The following KIAA1217 variants were observed in gnomAD, a reference collection of about 807,000 sequenced individuals.
The protein encoded by KIAA1217 is sickle tail protein homolog.
Under a neutral mutation model 163.9 loss-of-function variants are expected in KIAA1217, and 88 were observed. That is an observed-to-expected ratio of 0.54 (90% CI 0.45 to 0.64). KIAA1217 has a LOEUF of 0.64. KIAA1217 is among the 30% of genes least tolerant of loss of function. The probability of loss-of-function intolerance (pLI) is 0.00; values close to 1 mark genes in which losing one functional copy is unlikely to be tolerated. For missense variants in KIAA1217, 2,372 were observed against 2,475.0 expected, an observed-to-expected ratio of 0.96 and a Z score of 0.88; for synonymous variants, 903 against 923.1, an observed-to-expected ratio of 0.98 and a Z score of 0.39.
At chr10:23,903,770 T>G (rs1297097800) in intron 1 of KIAA1217, among the ~76,000 whole-genome samples, 1 of 152,084 alleles carries the variant, frequency 6.6e-6, no homozygotes, top group Non-Finnish European at 1.5e-5. Context: ...GCTTCCTCAG[T>G]TTCCATGACA....
In KIAA1217 at chr10:23,827,751, G is replaced by A. The variant is rs976999500; in HGVS notation, c.-321+132517G>A. On this transcript the variant is annotated intron_variant, in intron 1 of 18. Coordinates refer to the KIAA1217 transcript ENST00000376462. Reference sequence around the variant, plus strand: ...CTTCAGTAATCTCTGCTCACAAGCCGCCGGTATGATTCCTGTGTGCACGAC... The same window carrying A: ...CTTCAGTAATCTCTGCTCACAAGCCACCGGTATGATTCCTGTGTGCACGAC... Among the ~76,000 whole-genome samples the A allele has an allele frequency of 4.6e-5, 7 of 152,306 alleles. No homozygotes were observed. The East Asian group carries it at 5.8e-4, about 13-fold the overall frequency.
intron 1 of KIAA1217, among the ~76,000 whole-genome samples, chr10:23,707,302 A>T (rs1166650674): frequency 1.3e-5 from 2 of 152,206 alleles, no homozygotes; most frequent in Non-Finnish European, 2.9e-5. Flanking sequence ...AAGGAAGGCC[A>T]GTGCTGGGGG....
chr10:23,852,955 G>A (rs1588950938), intron 1 of KIAA1217, among the ~76,000 whole-genome samples: 3 of 152,210 alleles, frequency 2.0e-5, no homozygotes, highest in African/African-American at 7.2e-5. Context: ...CATGTCACCT[G>A]CAAACAGGGT....
At chr10:23,775,398 T>C (rs1358091858) in intron 1 of KIAA1217, among the ~76,000 whole-genome samples, 1 of 152,106 alleles carries the variant, frequency 6.6e-6, no homozygotes, top group Admixed American at 6.5e-5. Flanking sequence ...ATACTATTGA[T>C]TGACATTAGA....
At chr10:23,916,603 G>C (rs1242280090) in intron 1 of KIAA1217, among the ~76,000 whole-genome samples, 1 of 152,112 alleles carries the variant, frequency 6.6e-6, no homozygotes, top group Non-Finnish European at 1.5e-5. Context: ...TCCTTGTAAA[G>C]GTCACTGTAA....
intron 1 of KIAA1217, among the ~76,000 whole-genome samples, chr10:23,858,475 A>T (rs992637628): frequency 1.3e-5 from 2 of 152,098 alleles, no homozygotes; most frequent in African/African-American, 4.8e-5. Flanking sequence ...GTGTGTGTAT[A>T]TACATACATA....
chr10:24,024,328 T>G (rs1676790338), intron 2 of KIAA1217, among the ~76,000 whole-genome samples: 1 of 151,676 alleles, frequency 6.6e-6, no homozygotes, highest in Non-Finnish European at 1.5e-5. Flanking sequence ...CCTAAATAAA[T>G]GGAATCATAA....
chr10:23,836,242 T>G (rs1838442427), intron 1 of KIAA1217, among the ~76,000 whole-genome samples: 1 of 152,200 alleles, frequency 6.6e-6, no homozygotes, highest in African/African-American at 2.4e-5. Flanking sequence ...CTACTTTTCT[T>G]GTTTTATTGC....
rs571264535 is a variant in KIAA1217 at position 23,776,979 on chromosome 10, C to T, written c.-321+81745C>T. ...GATTACAGGCATGAGCCACAGGGCC[C>T]GGCTGACTGTGGGTACTTTTTCTTT... On this transcript the variant is annotated intron_variant, in intron 1 of 18. Transcript: ENST00000376462. Among the ~76,000 whole-genome samples the T allele has an allele frequency of 8.0e-5, 12 of 150,560 alleles. No individual in the cohort carries two copies. In the East Asian group the frequency reaches 8.0e-4, roughly 10 times the overall value.
At chr10:24,229,954 C>T (rs1035897216) in intron 2 of KIAA1217, among the ~76,000 whole-genome samples, 2 of 152,008 alleles carry the variant, frequency 1.3e-5, no homozygotes, top group South Asian at 4.2e-4. Flanking sequence ...CTCATTTAAC[C>T]AAATACTACC....
chr10:24,273,280 G>A (rs2076942723), intron 2 of KIAA1217, among the ~76,000 whole-genome samples: 1 of 152,144 alleles, frequency 6.6e-6, no homozygotes, highest in South Asian at 2.1e-4. Flanking sequence ...GCAGAGAAGA[G>A]CATTTGAACA....
chr10:23,870,744 C>G (rs1840420148), intron 1 of KIAA1217, among the ~76,000 whole-genome samples: 1 of 152,150 alleles, frequency 6.6e-6, no homozygotes, highest in African/African-American at 2.4e-5. Flanking sequence ...TAGCAACAGG[C>G]AGAGATTCAC....
At chr10:24,478,101 G>A (rs2064242089) in intron 6 of KIAA1217, among the ~76,000 whole-genome samples, 1 of 152,190 alleles carries the variant, frequency 6.6e-6, no homozygotes, top group Admixed American at 6.5e-5. Flanking sequence ...AGAAATCGGT[G>A]GCTGTGCTTT....
intron 2 of KIAA1217, among the ~76,000 whole-genome samples, chr10:24,320,275 T>G (rs2043968574): frequency 6.6e-6 from 1 of 152,190 alleles, no homozygotes; most frequent in East Asian, 1.9e-4. Flanking sequence ...AAAAATAAAT[T>G]GGTACCCATC....
chr10:24,065,243 A>G (rs2060892042), intron 2 of KIAA1217, among the ~76,000 whole-genome samples: 1 of 151,888 alleles, frequency 6.6e-6, no homozygotes, highest in Admixed American at 6.6e-5. Flanking sequence ...TTAGGGTGTC[A>G]ATTTTAGATC....
chr10:23,800,944 A>G (rs542667603), intron 1 of KIAA1217, among the ~76,000 whole-genome samples: 2 of 152,284 alleles, frequency 1.3e-5, no homozygotes, highest in East Asian at 3.9e-4. Context: ...AGAACCGGAA[A>G]TACCATTTGA....
intron 3 of KIAA1217, among the ~76,000 whole-genome samples, chr10:24,417,203 A>G (rs907662880): frequency 6.6e-6 from 1 of 152,106 alleles, no homozygotes; most frequent in Non-Finnish European, 1.5e-5. Flanking sequence ...GGGGAAAAAA[A>G]TCTGAGCCTC....
chr10:24,498,132 G>A (rs1224957182), intron 8 of KIAA1217, among the ~76,000 whole-genome samples: 5 of 152,122 alleles, frequency 3.3e-5, no homozygotes, highest in Admixed American at 6.5e-5. Context: ...TGCTGCTGAC[G>A]AGGGTGCGGG....
chr10:24,496,394 T>A (rs1246395861), intron 8 of KIAA1217, among the ~76,000 whole-genome samples: 1 of 152,276 alleles, frequency 6.6e-6, no homozygotes. Context: ...TCATTCATTT[T>A]TTAAAATGGA....
Sources: gnomAD v4.1 joint callset for allele counts (sites outside exome capture counted in the v4.1 genomes callset) on GRCh38, gnomAD v4.1.1 for gene constraint, MANE v1.5 for transcripts, NCBI Gene and HGNC (gene_info 2026-07-23, HGNC 2026-07-21) for gene names.